TRPM7: variants seen among roughly 807,000 people sequenced by gnomAD.
TRPM7 encodes the protein transient receptor potential cation channel subfamily M member 7, also known as LTRPC ion channel family member 7.
In TRPM7, 134 loss-of-function variants were observed where a neutral mutation model predicts 229.7. The ratio of observed to expected loss-of-function variants is 0.58; its 90% CI spans 0.51 to 0.67. TRPM7 has a LOEUF of 0.67. TRPM7 is among the 30% of genes least tolerant of loss of function. The pLI, the probability that TRPM7 is intolerant of heterozygous loss-of-function variation, is 0.00. For missense variants in TRPM7, 1,901 were observed against 2,210.0 expected (o/e 0.86, Z 2.80); for synonymous variants, 699 against 715.2 (o/e 0.98, Z 0.36).
intron 5 of TRPM7, among the ~76,000 whole-genome samples, chr15:50,640,504 T>C (rs1596282715): frequency 1.3e-5 from 2 of 151,420 alleles, no homozygotes; most frequent in South Asian, 4.2e-4. Flanking sequence ...CAGGCTAGTT[T>C]TGAACTCCTG....
chr15:50,576,217 T>A (rs190953972), intron 31 of TRPM7, among the ~76,000 whole-genome samples: 4 of 152,170 alleles, frequency 2.6e-5, no homozygotes, highest in Non-Finnish European at 5.9e-5. Flanking sequence ...AAGAAAAATC[T>A]CTCTTTGATT....
chr15:50,609,732 TAAAAAA>T lies in TRPM7; in HGVS notation c.2437-14_2437-9del. ...TACTTCTTTAAACACTTCCTAAAAT[TAAAAAA>T]AAAAAAATTCTTTTGTACAATTATT... On this transcript the variant is annotated splice_polypyrimidine_tract_variant and intron_variant, in intron 18 of 38. Transcript: ENST00000646667. The T allele has an allele frequency of 7.2e-7, 1 of 1,380,974 alleles. No individual in the cohort carries two copies. The highest frequency in any genetic ancestry group is 1.4e-5 in the South Asian group (1 of 72,488). The allele number at this position is 1,380,974 out of a possible 1,614,324, so 85.5% of individuals were successfully genotyped here.
rs908378193 is a variant in TRPM7 at position 50,559,624 on chromosome 15, C to G, written c.*2054G>C. ...AAACGTAAGAATCTTATGGACGTTA[C>G]TTTACCTCTCTAGCACCTTGACTTT... is the stretch of plus-strand genomic sequence containing the variant. On this transcript the variant is annotated 3_prime_UTR_variant, in exon 39 of 39. Transcript: ENST00000646667. The G allele has an allele frequency of 4.6e-5, 7 of 152,212 alleles. No homozygotes were observed. Among genetic ancestry groups the G allele is most frequent in the Non-Finnish European group, 8.8e-5 (6 of 68,054 alleles). 9.4% of individuals were successfully genotyped at this position (152,212 alleles called of 1,614,324 possible). A position where few individuals can be genotyped will look rare whatever the true frequency, so the allele number is the denominator to read the frequency against.
chr15:50,637,229 A>T (rs1331920232), intron 7 of TRPM7, among the ~76,000 whole-genome samples, 193 bp downstream of exon 7: 3 of 152,090 alleles, frequency 2.0e-5, no homozygotes, highest in Admixed American at 6.6e-5. Context: ...TAGCCTTGAT[A>T]ACTGAGTACC....
At position 50,584,703 on chromosome 15, in the gene TRPM7, A is replaced by G. The variant is rs115573286; in HGVS notation, c.4487-1544T>C. Among the ~76,000 whole-genome samples, 397 of 152,012 alleles carry G rather than the reference A, an allele frequency of 2.6e-3. 1 individual carries two copies. The highest frequency in any genetic ancestry group is 9.2e-3 in the African/African-American group (381 of 41,470). ...AAAATCTGAAATCTGAAACGCTCCA[A>G]TGAGCATTTCCTTTCAGTCAGTACT... On this transcript the variant is annotated intron_variant, in intron 28 of 38. Coordinates refer to ENST00000646667, the MANE Select transcript of TRPM7 (RefSeq NM_017672.6).
intron 4 of TRPM7, among the ~76,000 whole-genome samples, chr15:50,647,806 G>A (rs12907472): frequency 0.078 from 11,818 of 152,100 alleles, 566 homozygotes; most frequent in South Asian, 0.12. Context: ...CCACGTTTAT[G>A]GTTTCAACCA....
intron 1 of TRPM7, among the ~76,000 whole-genome samples, chr15:50,681,663 T>C (rs1329010455): frequency 1.3e-5 from 2 of 152,230 alleles, no homozygotes; most frequent in African/African-American, 4.8e-5. Flanking sequence ...TATTGATGAC[T>C]TAGCTCAAAA....
chr15:50,583,632 A>C (rs2054538979), intron 28 of TRPM7, among the ~76,000 whole-genome samples: 1 of 150,036 alleles, frequency 6.7e-6, no homozygotes, highest in Non-Finnish European at 1.5e-5. Flanking sequence ...GCTGGAGAGC[A>C]GTGGCACAAT....
chr15:50,643,655 T>C (rs2061172575), intron 4 of TRPM7, 102 bp from the exon 5 acceptor site: 6 of 796,208 alleles, frequency 7.5e-6, no homozygotes, highest in Non-Finnish European at 1.2e-5. Context: ...TCAGATTATG[T>C]AAAAAGAGAT....
intron 1 of TRPM7, among the ~76,000 whole-genome samples, chr15:50,679,501 GTATATATATAATATATATATA>G (rs1313578647): frequency 0.017 from 1,443 of 84,612 alleles, 78 homozygotes; most frequent in African/African-American, 0.06. Flanking sequence ...ATATATATGT[GTATATATATAATATATATATA>G]TATATATATA....
intron 12 of TRPM7, 45 bp downstream of exon 12, chr15:50,624,121 C>T (rs1271415454): frequency 1.9e-6 from 3 of 1,550,640 alleles, no homozygotes; most frequent in Non-Finnish European, 1.7e-6. Context: ...TAACATTTCC[C>T]AAAAGATAAA....
chr15:50,588,099 C>T (rs561199897), intron 27 of TRPM7: 78 of 369,198 alleles, frequency 2.1e-4, no homozygotes, highest in South Asian at 4.4e-4. Context: ...ATGATAGGTC[C>T]GCTGAACCTA....
chr15:50,639,142 G>C (rs1295634897), intron 6 of TRPM7, among the ~76,000 whole-genome samples: 2 of 152,104 alleles, frequency 1.3e-5, no homozygotes, highest in East Asian at 1.9e-4. Flanking sequence ...ACAAAGACTA[G>C]CTTATATGGA....
intron 2 of TRPM7, among the ~76,000 whole-genome samples, chr15:50,658,970 G>A (rs967531455): frequency 2.0e-5 from 3 of 152,032 alleles, no homozygotes; most frequent in Admixed American, 6.6e-5. Flanking sequence ...AGGCTGAGGC[G>A]GGAGGATCAC....
intron 2 of TRPM7, among the ~76,000 whole-genome samples, chr15:50,659,152 C>T (rs761682961): frequency 5.3e-5 from 8 of 149,782 alleles, no homozygotes; most frequent in Non-Finnish European, 7.4e-5. Flanking sequence ...GAGACTACGC[C>T]ACTGCACACC....
intron 28 of TRPM7, among the ~76,000 whole-genome samples, chr15:50,584,528 T>C (rs1410461381): frequency 6.6e-6 from 1 of 151,960 alleles, no homozygotes; most frequent in Non-Finnish European, 1.5e-5. Context: ...AAAACTGAAA[T>C]ATGAGGATGC....
intron 13 of TRPM7, among the ~76,000 whole-genome samples, chr15:50,615,259 TTC>T (rs141385428): frequency 0.016 from 2,362 of 152,076 alleles, 61 homozygotes; most frequent in African/African-American, 0.055. Flanking sequence ...AATTGCATTT[TTC>T]TGGAAAAATA....
intron 12 of TRPM7, among the ~76,000 whole-genome samples, chr15:50,620,765 T>C (rs900891355): frequency 2.0e-5 from 3 of 152,086 alleles, no homozygotes; most frequent in Non-Finnish European, 4.4e-5. Flanking sequence ...ACCCCGTCTC[T>C]ACTAAAAAAA....
intron 7 of TRPM7, among the ~76,000 whole-genome samples, chr15:50,637,120 C>T (rs1272752207): frequency 7.3e-6 from 1 of 136,404 alleles, no homozygotes; most frequent in African/African-American, 2.7e-5. Flanking sequence ...AGCGAGACTC[C>T]GCCTCAAAGA....
Sources: gnomAD v4.1 joint callset for allele counts (sites outside exome capture counted in the v4.1 genomes callset) on GRCh38, gnomAD v4.1.1 for gene constraint, MANE v1.5 for transcripts, NCBI Gene and HGNC (gene_info 2026-07-23, HGNC 2026-07-21) for gene names.